WDR49: variants seen among roughly 807,000 people sequenced by gnomAD.
WDR49 encodes the protein WD repeat domain 49.
WDR49 carries 107 observed loss-of-function variants against 119.5 expected under a neutral mutation model. The ratio of observed to expected loss-of-function variants is 0.90; its 90% confidence interval spans 0.77 to 1.05. WDR49 has a LOEUF of 1.05. WDR49 is among the 50% of genes least tolerant of loss of function. The pLI, the probability that WDR49 is intolerant of heterozygous loss-of-function variation, is 0.00. For missense variants in WDR49, 1,240 were observed against 1,220.5 expected (o/e 1.02, Z -0.24); for synonymous variants, 425 against 418.8 (o/e 1.01, Z -0.18).
chr3:167,499,185 TCAA>T (rs1385295089), intron 18 of WDR49, among the ~76,000 whole-genome samples: 15 of 152,174 alleles, frequency 9.9e-5, no homozygotes, highest in African/African-American at 2.9e-4. Flanking sequence ...AAGTAGAATT[TCAA>T]CAACAACAAA....
chr3:167,541,530 C>T (rs1455812196), intron 10 of WDR49, among the ~76,000 whole-genome samples: 1 of 152,012 alleles, frequency 6.6e-6, no homozygotes, highest in African/African-American at 2.4e-5. Context: ...ACAATAAAGG[C>T]TAGAAGGAGT....
chr3:167,510,590 A>C (rs906180873), intron 16 of WDR49, among the ~76,000 whole-genome samples: 2 of 152,094 alleles, frequency 1.3e-5, no homozygotes, highest in Non-Finnish European at 2.9e-5. Flanking sequence ...CCCAGGACTT[A>C]ACTTGAAGAT....
intron 11 of WDR49, among the ~76,000 whole-genome samples, chr3:167,535,709 C>G (rs1174814324): frequency 6.6e-6 from 1 of 152,066 alleles, no homozygotes; most frequent in Non-Finnish European, 1.5e-5. Flanking sequence ...ATAGAACTAC[C>G]ATATGATCCA....
chr3:167,548,161 T>C (rs1307576447), intron 10 of WDR49, among the ~76,000 whole-genome samples: 1 of 152,034 alleles, frequency 6.6e-6, no homozygotes, highest in African/African-American at 2.4e-5. Context: ...GGGACAGTTC[T>C]TTTGGTACAT....
At chr3:167,509,584 C>T (rs1262504293) in intron 16 of WDR49, among the ~76,000 whole-genome samples, 4 of 152,116 alleles carry the variant, frequency 2.6e-5, no homozygotes, top group Non-Finnish European at 5.9e-5. Flanking sequence ...AGGAAAGCAA[C>T]CATTTGTATT....
intron 16 of WDR49, among the ~76,000 whole-genome samples, chr3:167,506,091 C>A (rs1751758619): frequency 6.6e-6 from 1 of 152,166 alleles, no homozygotes; most frequent in East Asian, 1.9e-4. Context: ...GAGCACCAAG[C>A]CAGAAAACAC....
chr3:167,528,210 T>A (rs1294777880), intron 14 of WDR49, among the ~76,000 whole-genome samples, 193 bp from the exon 15 acceptor site: 1 of 151,748 alleles, frequency 6.6e-6, no homozygotes, highest in Non-Finnish European at 1.5e-5. Flanking sequence ...ACTTATCTGA[T>A]TACTTGGGAA....
At chr3:167,615,613 A>G (rs1026078656) in intron 5 of WDR49, among the ~76,000 whole-genome samples, 2 of 152,164 alleles carry the variant, frequency 1.3e-5, no homozygotes, top group Non-Finnish European at 2.9e-5. Flanking sequence ...TTCAATCAAA[A>G]CATAAAATCC....
chr3:167,621,259 AC>A (rs1716853715), intron 4 of WDR49, among the ~76,000 whole-genome samples: 1 of 152,078 alleles, frequency 6.6e-6, no homozygotes, highest in Non-Finnish European at 1.5e-5. Context: ...GACCAAAAAA[AC>A]AAACAAACCC....
intron 2 of WDR49, among the ~76,000 whole-genome samples, chr3:167,632,235 G>T (rs1055175203): frequency 2.6e-5 from 4 of 151,860 alleles, no homozygotes; most frequent in Non-Finnish European, 5.9e-5. Flanking sequence ...TTATTTCTAA[G>T]AACAAGAAAC....
chr3:167,554,877 G>A (rs1467322406), intron 9 of WDR49, 79 bp from the exon 10 acceptor site: 1 of 1,035,484 alleles, frequency 9.7e-7, no homozygotes, highest in African/African-American at 1.6e-5. Context: ...ATTCATTTAG[G>A]ATATGTAATC....
chr3:167,560,198 A>G lies in WDR49; in HGVS notation c.1540T>C (p.Ser514Pro). 6.2e-7 allele frequency: 1 copy of G among 1,614,226 alleles called. No individual in the cohort carries two copies. Among genetic ancestry groups the G allele is most frequent in the African/African-American group, 1.3e-5 (1 of 75,070 alleles). Residue 514 changes from serine (S) to proline (P), a missense_variant, in exon 9 of 19, where the codon TCC becomes CCC. Transcript: ENST00000682715. ...TGCCCAGTGTCTATCATCCAGAAGG[A>G]AACAGTAGACCCTGTATCAGAGCTG... ...VISSDTGSTVSFWMIDTGQKI... is the reference protein window; with the variant it reads ...VISSDTGSTVPFWMIDTGQKI...
rs752654871 is a variant in WDR49, at chr3:167,621,578, A to G, written c.672T>C (p.Ala224=). 2 of 1,535,482 alleles carry G rather than the reference A, an allele frequency of 1.3e-6. No homozygotes were observed. The highest frequency in any genetic ancestry group is 2.0e-5 in the Admixed American group (1 of 50,964). ...FYDLLSKEEF[A]CQYKLQGLKG... is the part of the protein sequence containing the mutation. ...TCAGGCCTTGGAGTTTGTATTGGCA[A>G]GCAAATTCTTCTTTGGACAGCAGAT... Residue 224 remains alanine (A), a synonymous_variant, in exon 4 of 19, where the codon GCT becomes GCC. Coordinates refer to ENST00000682715, the MANE Select transcript of WDR49 (RefSeq NM_001366157.1).
At chr3:167,554,956 G>A (rs1039009022) in intron 9 of WDR49, among the ~76,000 whole-genome samples, 158 bp from the exon 10 acceptor site, 54 of 152,044 alleles carry the variant, frequency 3.6e-4, no homozygotes, top group Non-Finnish European at 1.0e-4. Flanking sequence ...GAAATATCTA[G>A]TTGGTCTTCA....
chr3:167,620,624 A>T, intron 4 of WDR49, 21 bp from the exon 5 acceptor site: 1 of 1,519,978 alleles, frequency 6.6e-7, no homozygotes, highest in Non-Finnish European at 8.8e-7. Flanking sequence ...ACATTGAAAG[A>T]ACAACAATCG....
intron 18 of WDR49, among the ~76,000 whole-genome samples, chr3:167,497,577 T>C (rs1751403439): frequency 6.6e-6 from 1 of 152,212 alleles, no homozygotes; most frequent in African/African-American, 2.4e-5. Flanking sequence ...ACAGATTATA[T>C]AAAAGATTCT....
chr3:167,557,538 A>G (rs538941659), intron 9 of WDR49, among the ~76,000 whole-genome samples: 23 of 152,284 alleles, frequency 1.5e-4, no homozygotes, highest in African/African-American at 5.3e-4. Flanking sequence ...TCAACTGCCT[A>G]TGGAAGCTTG....
intron 7 of WDR49, among the ~76,000 whole-genome samples, chr3:167,587,806 A>T (rs566729674): frequency 3.3e-5 from 5 of 151,898 alleles, no homozygotes; most frequent in African/African-American, 7.2e-5. Context: ...TTTCTAATTA[A>T]TTTTTTTATT....
chr3:167,515,829 A>T (rs143751075), intron 16 of WDR49, among the ~76,000 whole-genome samples: 402 of 152,312 alleles, frequency 2.6e-3, no homozygotes, highest in African/African-American at 9.0e-3. Flanking sequence ...AAGCACTCCT[A>T]TACACAAATA....
Sources: gnomAD v4.1 joint callset for allele counts (sites outside exome capture counted in the v4.1 genomes callset) on GRCh38, gnomAD v4.1.1 for gene constraint, MANE v1.5 for transcripts, NCBI Gene and HGNC (gene_info 2026-07-23, HGNC 2026-07-21) for gene names.